PGD: variants seen among roughly 807,000 people sequenced by gnomAD.
PGD encodes the protein 6-phosphogluconate dehydrogenase, decarboxylating.
A neutral mutation model predicts 60.4 loss-of-function variants in PGD; 21 were observed. The ratio of observed to expected loss-of-function variants is 0.35; its 90% confidence interval spans 0.25 to 0.50. The LOEUF (loss-of-function observed/expected upper bound fraction) is 0.50, where lower values mean the gene tolerates loss of function less well. Ranked by LOEUF, PGD falls within the 20% of genes least tolerant of loss-of-function variation. The probability of loss-of-function intolerance (pLI) is 0.98; values close to 1 mark genes in which losing one functional copy is unlikely to be tolerated. For synonymous variants in PGD, 230 were observed against 235.9 expected (o/e 0.97, Z 0.23); for missense variants, 477 against 613.1 (o/e 0.78, Z 2.34).
At chr1:10,399,187 C>T (rs371471229) in intron 1 of PGD, 62 bp downstream of exon 1, 143 of 1,576,530 alleles carry the variant, frequency 9.1e-5, no homozygotes, top group Non-Finnish European at 1.2e-4. Flanking sequence ...CTTTGGGGGT[C>T]GAGATCTCCC....
At chr1:10,419,012 G>GT (rs1466565925) in intron 11 of PGD, 87 bp downstream of exon 11, 7 of 803,124 alleles carry the variant, frequency 8.7e-6, no homozygotes, top group African/African-American at 3.6e-5. Context: ...TTTTTTTTTG[G>GT]TTTTTTGTTT....
At chr1:10,400,651 C>T (rs927435969) in intron 3 of PGD, 79 bp downstream of exon 3, 2 of 1,135,130 alleles carry the variant, frequency 1.8e-6, no homozygotes, top group African/African-American at 1.7e-5. Context: ...CTTCTTTTAA[C>T]TCTAGAGATT....
chr1:10,408,015 A>G (rs1639435645), intron 5 of PGD, 56 bp from the exon 6 acceptor site: 10 of 1,001,566 alleles, frequency 1.0e-5, no homozygotes, highest in African/African-American at 1.6e-5. Context: ...GTCTATGGGT[A>G]TGGGCTCTCA....
Position 10,399,108 on chromosome 1 carries a change from G to T in PGD, c.-10G>T. The T allele has an allele frequency of 6.2e-7, 1 of 1,609,774 alleles. No homozygotes were observed. Among genetic ancestry groups the T allele is most frequent in the East Asian group, 2.2e-5 (1 of 44,832 alleles). On this transcript the variant is annotated 5_prime_UTR_variant, in exon 1 of 13. Transcript: ENST00000270776. Reference sequence around the variant, plus strand: ...CGTCGCCGCTCTTCGGTTCTGCTCTGTCCGCCGCCATGGCCCAGTGAGTGA... The same window carrying T: ...CGTCGCCGCTCTTCGGTTCTGCTCTTTCCGCCGCCATGGCCCAGTGAGTGA...
intron 12 of PGD, 44 bp downstream of exon 12, chr1:10,419,583 G>C (rs1557767364): frequency 1.9e-6 from 3 of 1,614,088 alleles, no homozygotes; most frequent in Non-Finnish European, 2.5e-6. Context: ...CCCCTCGGGG[G>C]CGTGCGCCAT....
chr1:10,404,219 G>A lies in PGD; in HGVS notation c.389G>A (p.Gly130Asp). 6.2e-7 allele frequency: 1 copy of A among 1,614,078 alleles called. No homozygotes were observed. Among genetic ancestry groups the A allele is most frequent in the Non-Finnish European group, 8.5e-7 (1 of 1,179,984 alleles). Reference protein sequence around the residue: ...GILFVGSGVSGGEEGARYGPS... With the variant: ...GILFVGSGVSDGEEGARYGPS... ...TTATTTGTGGGGAGCGGAGTCAGTG[G>A]TGGAGAGGAAGGGGCCCGGTATGGC... The change falls in exon 5 of 13, where the codon GGT becomes GAT. Residue 130 changes from glycine (G) to aspartate (D), a missense_variant. Gly to Asp is a moderately conservative substitution (Grantham distance 94). Transcript: ENST00000270776.
chr1:10,409,980 A>T (rs763784414), intron 6 of PGD, among the ~76,000 whole-genome samples: 2 of 151,978 alleles, frequency 1.3e-5, no homozygotes, highest in African/African-American at 4.8e-5. Flanking sequence ...AGATACACAC[A>T]CTTAGGACAA....
intron 10 of PGD, among the ~76,000 whole-genome samples, chr1:10,418,161 G>A (rs898217734): frequency 6.6e-6 from 1 of 152,162 alleles, no homozygotes; most frequent in Non-Finnish European, 1.5e-5. Flanking sequence ...ACGTTACATC[G>A]TTCTCATGTT....
intron 1 of PGD, 137 bp downstream of exon 1, chr1:10,399,262 G>T: frequency 9.9e-7 from 1 of 1,013,974 alleles, no homozygotes; most frequent in African/African-American, 1.6e-5. Context: ...TGTGACCCTG[G>T]CCCTACGGCG....
intron 7 of PGD, 56 bp downstream of exon 7, chr1:10,411,608 C>G: frequency 6.2e-7 from 1 of 1,604,152 alleles, no homozygotes; most frequent in African/African-American, 1.3e-5. Context: ...CACTTTGCCA[C>G]AGACACCGAA....
intron 6 of PGD, among the ~76,000 whole-genome samples, chr1:10,410,636 G>A (rs1009811564): frequency 1.3e-5 from 2 of 152,012 alleles, no homozygotes; most frequent in African/African-American, 4.8e-5. Context: ...TTTGGCTCTC[G>A]TCACTCCCTT....
At chr1:10,407,725 C>G (rs1390058770) in intron 5 of PGD, among the ~76,000 whole-genome samples, 2 of 152,008 alleles carry the variant, frequency 1.3e-5, no homozygotes, top group Admixed American at 6.6e-5. Context: ...GTGGGTGGAT[C>G]ACTTGAGCTC....
At chr1:10,412,440 T>TA (rs1639514942) in intron 7 of PGD, among the ~76,000 whole-genome samples, 1 of 152,246 alleles carries the variant, frequency 6.6e-6, no homozygotes, top group African/African-American at 2.4e-5. Flanking sequence ...CATCCTCACT[T>TA]ACTTTGACTA....
intron 10 of PGD, 136 bp downstream of exon 10, chr1:10,417,645 G>A: frequency 1.3e-6 from 1 of 786,856 alleles, no homozygotes; most frequent in Non-Finnish European, 2.0e-6. Context: ...CACAAGATAG[G>A]CTTAGATTAT....
At position 10,413,196 on chromosome 1, in the gene PGD, A is replaced by G; in HGVS notation, c.789A>G (p.Thr263=). The G allele has an allele frequency of 1.2e-6, 2 of 1,614,228 alleles. No homozygotes were observed. Among genetic ancestry groups the G allele is most frequent in the Non-Finnish European group, 8.5e-7 (1 of 1,180,036 alleles). The change falls in exon 8 of 13, where the codon ACA becomes ACG. Residue 263 remains threonine (T), a synonymous_variant. Transcript: ENST00000270776. ...KIRDSAGQKG[T]GKWTAISALE... Reference sequence around the variant, plus strand: ...GGGACAGCGCGGGGCAGAAGGGCACAGGGAAGTGGACCGCCATCTCCGCCC... The same window carrying G: ...GGGACAGCGCGGGGCAGAAGGGCACGGGGAAGTGGACCGCCATCTCCGCCC...
Position 10,418,860 on chromosome 1 carries a change from C to A in PGD, c.1144C>A (p.Arg382=). ...FLGKIKDAFD[R]NPELQNLLLD... is the part of the protein sequence containing the mutation. ...AGGAAAGATAAAGGATGCATTTGAT[C>A]GAAACCCGGAACTTCAGAACCTCCT... The change falls in exon 11 of 13, where the codon CGA becomes AGA. Residue 382 remains arginine (R), a synonymous_variant. Transcript: ENST00000270776. 5 of 1,610,066 alleles carry A rather than the reference C, an allele frequency of 3.1e-6. No homozygotes were observed. The highest frequency in any genetic ancestry group is 1.7e-4 in the Middle Eastern group (1 of 6,050).
chr1:10,418,065 G>A (rs1639626194), intron 10 of PGD, among the ~76,000 whole-genome samples: 1 of 143,808 alleles, frequency 7.0e-6, no homozygotes, highest in African/African-American at 2.6e-5. Flanking sequence ...GAACTATCGT[G>A]CCCTCTGGCC....
intron 2 of PGD, chr1:10,399,974 G>T: frequency 3.6e-6 from 2 of 552,062 alleles, no homozygotes; most frequent in East Asian, 3.1e-5. Context: ...AAGGGTGCGG[G>T]AGGAGAACCC....
intron 8 of PGD, chr1:10,415,332 G>C (rs1031317585): frequency 6.6e-6 from 1 of 152,238 alleles, no homozygotes; most frequent in African/African-American, 2.4e-5. Context: ...CCATAACATA[G>C]GTGAGGAGGG....
Sources: gnomAD v4.1 joint callset for allele counts (sites outside exome capture counted in the v4.1 genomes callset) on GRCh38, gnomAD v4.1.1 for gene constraint, MANE v1.5 for transcripts, NCBI Gene and HGNC (gene_info 2026-07-23, HGNC 2026-07-21) for gene names.